Variants in INPP5D observed in about 807,000 individuals in gnomAD.
INPP5D encodes phosphatidylinositol 3,4,5-trisphosphate 5-phosphatase 1.
Under a neutral mutation model 122.9 loss-of-function variants are expected in INPP5D, and 33 were observed. That is an observed-to-expected ratio of 0.27 (90% CI 0.20 to 0.36). The LOEUF (loss-of-function observed/expected upper bound fraction) is 0.36. Among genes scored for constraint, INPP5D ranks in the 10% least tolerant of loss-of-function variants. The pLI is 1.00. For missense variants in INPP5D, 1,053 were observed against 1,412.7 expected, an observed-to-expected ratio of 0.75 and a Z score of 4.08; for synonymous variants, 584 against 576.2, an observed-to-expected ratio of 1.01 and a Z score of -0.19.
rs1695219599 is a variant in INPP5D at position 233,197,681 on chromosome 2, G to T, written c.2694-414G>T. On this transcript the variant is annotated intron_variant, in intron 24 of 26. Transcript: ENST00000445964. This position sits in a 1 kb window ranked among gnomAD's most constrained non-coding sequence, Gnocchi z 4.4. ...TCTCAGATGAAAGACCACCTCCTCA[G>T]ATGGGGCCTCCTGGGGTCACCCAAT... Among the ~76,000 whole-genome samples, 1 of 152,140 alleles carries T rather than the reference G, an allele frequency of 6.6e-6. No individual in the cohort carries two copies.
At chr2:233,150,172 G>A (rs1269660968) in intron 9 of INPP5D, among the ~76,000 whole-genome samples, 1 of 152,160 alleles carries the variant, frequency 6.6e-6, no homozygotes, top group Non-Finnish European at 1.5e-5. Flanking sequence ...ATCTCATCTT[G>A]AACTGTAGCT....
In INPP5D at chr2:233,128,946, T is replaced by C. The variant is rs2106262531; in HGVS notation, c.525-1562T>C. Among the ~76,000 whole-genome samples, 1 of 152,234 alleles carries C rather than the reference T, an allele frequency of 6.6e-6. No homozygotes were observed. The highest frequency in any genetic ancestry group is 1.5e-5 in the Non-Finnish European group (1 of 68,010). ...CTGTTATCCCAGCACTTTGGGAGCC[T>C]GAGGCAGTGGATCACCTGAGGTCAG... On this transcript the variant is annotated intron_variant, in intron 4 of 26. Coordinates refer to ENST00000445964, the MANE Select transcript of INPP5D (RefSeq NM_001017915.3). This position sits in a 1 kb window ranked among gnomAD's most constrained non-coding sequence, Gnocchi z 4.5.
At chr2:233,138,912 A>AT (rs759201099) in intron 5 of INPP5D, among the ~76,000 whole-genome samples, 1,719 of 140,390 alleles carry the variant, frequency 0.012, 28 homozygotes, top group African/African-American at 0.039. Flanking sequence ...CACCTGGCTA[A>AT]TTTTTTTTTT....
chr2:233,069,150 T>C (rs1691309564), intron 1 of INPP5D, among the ~76,000 whole-genome samples: 1 of 152,176 alleles, frequency 6.6e-6, no homozygotes, highest in African/African-American at 2.4e-5. Flanking sequence ...TCCCCTTTCA[T>C]TAGGAAAACA....
chr2:233,082,795 G>A lies in INPP5D; in HGVS notation c.198+3397G>A, dbSNP rs1028804467. Among the ~76,000 whole-genome samples, 1 of 152,190 alleles carries A rather than the reference G, an allele frequency of 6.6e-6. No homozygotes were observed. Among genetic ancestry groups the A allele is most frequent in the African/African-American group, 2.4e-5 (1 of 41,444 alleles). The stretch of plus-strand genomic sequence containing the variant: ...AACTGTAACTTCATCCAACCCCCTC[G>A]TTCTAAATATGAGTGTTGCTGAGAA... On this transcript the variant is annotated intron_variant, in intron 2 of 26. Transcript: ENST00000445964. This position sits in a 1 kb window ranked among gnomAD's most constrained non-coding sequence, Gnocchi z 4.7.
rs140392015 is a variant in INPP5D, at chr2:233,129,884, TTGTGTGTG to T, written c.525-597_525-590del. 6.0e-3 allele frequency among the ~76,000 whole-genome samples: 903 copies of T among 149,666 alleles called. 10 individuals are homozygous for T. Among genetic ancestry groups the T allele is most frequent in the African/African-American group, 0.019 (774 of 40,570 alleles). On this transcript the variant is annotated intron_variant, in intron 4 of 26. Coordinates refer to ENST00000445964, the MANE Select transcript of INPP5D (RefSeq NM_001017915.3). ...ACTTTCCAAAGCTTTTGGCCTCCTT[TTGTGTGTG>T]TGTGTGTGTGTGTGTGTGTGTGTGT... is the stretch of plus-strand genomic sequence containing the variant.
intron 2 of INPP5D, among the ~76,000 whole-genome samples, chr2:233,090,975 AAAAGAAGTAACTT>A (rs1442708458): frequency 5.3e-5 from 8 of 152,112 alleles, no homozygotes; most frequent in Non-Finnish European, 8.8e-5. Context: ...AAAAAAAAAA[AAAAGAAGTAACTT>A]GGAAGTCTAC....
At chr2:233,112,697 C>A (rs7599330) in intron 2 of INPP5D, among the ~76,000 whole-genome samples, 46,337 of 152,008 alleles carry the variant, frequency 0.3, 10,573 homozygotes, top group African/African-American at 0.64. Flanking sequence ...AAAAATACCG[C>A]ATCTCACTCT....
chr2:233,191,775 C>T (rs560670929), intron 22 of INPP5D, among the ~76,000 whole-genome samples: 4 of 152,248 alleles, frequency 2.6e-5, no homozygotes, highest in Non-Finnish European at 2.9e-5. Context: ...GAGGAGAATG[C>T]GCCTGGGTCA....
At chr2:233,175,946 T>G (rs1694613752) in intron 17 of INPP5D, among the ~76,000 whole-genome samples, 1 of 152,162 alleles carries the variant, frequency 6.6e-6, no homozygotes, top group Non-Finnish European at 1.5e-5. Context: ...CCTCCCAAAG[T>G]GCTGGGATTA....
intron 5 of INPP5D, among the ~76,000 whole-genome samples, chr2:233,135,975 G>T (rs1693455797): frequency 6.6e-6 from 1 of 152,174 alleles, no homozygotes; most frequent in Non-Finnish European, 1.5e-5. Flanking sequence ...CACAAAACTA[G>T]CCACAACCAC....
At chr2:233,181,369 T>G (rs1309460376) in intron 18 of INPP5D, among the ~76,000 whole-genome samples, 1 of 152,210 alleles carries the variant, frequency 6.6e-6, no homozygotes, top group Non-Finnish European at 1.5e-5. Context: ...TCTCCTTTGC[T>G]GGCGGTTTTT....
At position 233,177,172 on chromosome 2, in the gene INPP5D, G is replaced by A. The variant is rs1694660696; in HGVS notation, c.1990-93G>A. On this transcript the variant is annotated intron_variant, in intron 17 of 26. Transcript: ENST00000445964. This position sits in a 1 kb window ranked among gnomAD's most constrained non-coding sequence, Gnocchi z 4.2. ...AAAAGCCAACAGCCGATGAATTTGAGGATTACAGAGGCCACCAGTTAATCT... is the reference window on the plus strand; with the variant it reads ...AAAAGCCAACAGCCGATGAATTTGAAGATTACAGAGGCCACCAGTTAATCT... 5.9e-6 allele frequency: 9 copies of A among 1,523,932 alleles called. No homozygotes were observed. Among genetic ancestry groups the A allele is most frequent in the Non-Finnish European group, 7.2e-6 (8 of 1,118,836 alleles). 94.4% of individuals were successfully genotyped at this position (1,523,932 alleles called of 1,614,324 possible).
chr2:233,163,573 T>G, intron 11 of INPP5D, 134 bp from the exon 12 acceptor site: 2 of 1,488,534 alleles, frequency 1.3e-6, no homozygotes, highest in Non-Finnish European at 1.8e-6. Flanking sequence ...ATTGCAGGCA[T>G]TTCTTTGGGC....
rs191123580 is a variant in INPP5D, at chr2:233,063,514, C to T, written c.134+2902C>T. ...ATTTGACTATGTAAATGGACTTGAG[C>T]GGGGGTTGGACATCAAAAGACAGGG... On this transcript the variant is annotated intron_variant, in intron 1 of 26. Transcript: ENST00000445964. Among the ~76,000 whole-genome samples the T allele has an allele frequency of 3.9e-5, 6 of 152,344 alleles. No individual in the cohort carries two copies. In the East Asian group the frequency reaches 1.2e-3, roughly 29 times the overall value.
chr2:233,171,133 C>T lies in INPP5D; in HGVS notation c.1970C>T (p.Thr657Ile), dbSNP rs992535297. 2.2e-5 allele frequency: 35 copies of T among 1,613,798 alleles called. No homozygotes were observed. The highest frequency in any genetic ancestry group is 2.9e-5 in the Non-Finnish European group (34 of 1,179,854). The change falls in exon 17 of 27, where the codon ACC becomes ATC. Residue 657 changes from threonine to isoleucine, a missense_variant. This residue lies in a region of INPP5D where 258 missense variants were observed against 439.1 expected (regional missense o/e 0.59). Transcript: ENST00000445964. ...ERLTRDKYAYTKQKATGMKYN... is the reference protein window; with the variant it reads ...ERLTRDKYAYIKQKATGMKYN... ...CTGACTCGGGACAAATACGCCTACA[C>T]CAAGCAGAAAGCGACAGGGGTGAGT...
In INPP5D at chr2:233,144,418, AGTGATG is replaced by A. The variant is rs1250273877; in HGVS notation, c.754-1733_754-1728del. Among the ~76,000 whole-genome samples, 11 of 94,130 alleles carry A rather than the reference AGTGATG, an allele frequency of 1.2e-4. No homozygotes were observed. In the East Asian group the frequency reaches 1.4e-3, roughly 12 times the overall value. The allele number at this position is 94,130 out of a possible 152,430, so 61.8% of individuals were successfully genotyped here. ...GAGTGATAGGGGTGGAGATGGTGGT[AGTGATG>A]GTGATGGTGAGGGTGAAGGTGGTGG... is the stretch of plus-strand genomic sequence containing the variant. On this transcript the variant is annotated intron_variant, in intron 6 of 26. Transcript: ENST00000445964.
In INPP5D at chr2:233,082,570, G is replaced by C. The variant is rs915269439; in HGVS notation, c.198+3172G>C. 2.0e-5 allele frequency among the ~76,000 whole-genome samples: 3 copies of C among 152,074 alleles called. No homozygotes were observed. The highest frequency in any genetic ancestry group is 7.2e-5 in the African/African-American group (3 of 41,398). ...TTTAGTAACTTTAGCTCTTTTCCTG[G>C]GGACTTCTGTTCTCTTGTCAACACC... On this transcript the variant is annotated intron_variant, in intron 2 of 26. Coordinates refer to ENST00000445964, the MANE Select transcript of INPP5D (RefSeq NM_001017915.3). This position sits in a 1 kb window ranked among gnomAD's most constrained non-coding sequence, Gnocchi z 4.7.
Position 233,206,078 on chromosome 2 carries a change from CA to C in INPP5D, c.3568-622del, listed in dbSNP as rs780384362. Among the ~76,000 whole-genome samples, 2 of 151,914 alleles carry C rather than the reference CA, an allele frequency of 1.3e-5. No homozygotes were observed. The highest frequency in any genetic ancestry group is 2.9e-5 in the Non-Finnish European group (2 of 67,996). Reference sequence around the variant, plus strand: ...TGGGCGACAGAGTGAGACTCCATCTCAAAAAAGAGAACAGTCAGGCTATGTT... The same window carrying C: ...TGGGCGACAGAGTGAGACTCCATCTCAAAAAGAGAACAGTCAGGCTATGTT... On this transcript the variant is annotated intron_variant, in intron 26 of 26. Transcript: ENST00000445964. The surrounding 1 kb of genome is among the most constrained non-coding windows in gnomAD (Gnocchi z 4.0).
Sources: allele counts gnomAD v4.1 joint callset (sites outside exome capture counted in the v4.1 genomes callset), GRCh38; gene constraint gnomAD v4.1.1; regional missense constraint gnomAD v4.1.1; non-coding constraint Gnocchi (gnomAD v3.1); transcripts MANE v1.5; gene names NCBI Gene and HGNC (gene_info 2026-07-23, HGNC 2026-07-21).